The following CSMD1 variants were observed in gnomAD, a reference collection of about 807,000 sequenced individuals.
The protein encoded by CSMD1 is CUB and sushi domain-containing protein 1.
In CSMD1, 213 loss-of-function variants were observed where a neutral mutation model predicts 417.5. That is an observed-to-expected ratio of 0.51 (90% CI 0.46 to 0.57). CSMD1 has a LOEUF of 0.57. Ranked by LOEUF, CSMD1 falls within the 20% of genes least tolerant of loss-of-function variation. CSMD1 has a pLI of 0.00. For synonymous variants in CSMD1, 2,862 were observed against 1,736.8 expected, an observed-to-expected ratio of 1.65 and a Z score of -16.11; for missense variants, 6,923 against 4,529.7, an observed-to-expected ratio of 1.53 and a Z score of -15.17.
At chr8:3,914,392 T>TA (rs1290085842) in intron 5 of CSMD1, among the ~76,000 whole-genome samples, 1 of 151,830 alleles carries the variant, frequency 6.6e-6, no homozygotes, top group Non-Finnish European at 1.5e-5. Context: ...CGGGTACAGA[T>TA]AAAGATGTTT....
In CSMD1 at chr8:3,289,681, T is replaced by G. The variant is rs531177024; in HGVS notation, c.3951-5335A>C. On this transcript the variant is annotated intron_variant, in intron 25 of 69. Coordinates refer to ENST00000635120, the MANE Select transcript of CSMD1 (RefSeq NM_033225.6). ...CACTTTTTGATGGGGTTGTTTGTTTTTTTCTTGAAAATTTGTTGGAGTTCA... is the reference window on the plus strand; with the variant it reads ...CACTTTTTGATGGGGTTGTTTGTTTGTTTCTTGAAAATTTGTTGGAGTTCA... Among the ~76,000 whole-genome samples, 10 of 147,522 alleles carry G rather than the reference T, an allele frequency of 6.8e-5. No individual in the cohort carries two copies. The South Asian group carries it at 2.1e-3, about 31-fold the overall frequency.
chr8:4,538,862 A>G (rs530781375), intron 2 of CSMD1, among the ~76,000 whole-genome samples: 1 of 152,290 alleles, frequency 6.6e-6, no homozygotes, highest in South Asian at 2.1e-4. Context: ...TGATTTCTCA[A>G]ATGTACAGTT....
At chr8:4,552,505 T>C (rs910376203) in intron 2 of CSMD1, among the ~76,000 whole-genome samples, 2 of 152,116 alleles carry the variant, frequency 1.3e-5, no homozygotes, top group Non-Finnish European at 2.9e-5. Context: ...CCCAGATATA[T>C]GCAGAACTCT....
chr8:3,415,616 T>TC lies in CSMD1; in HGVS notation c.1562-6012dup, dbSNP rs199498008. Among the ~76,000 whole-genome samples, 165 of 152,322 alleles carry TC rather than the reference T, an allele frequency of 1.1e-3. 2 individuals carry two copies. The East Asian group carries it at 0.029, about 27-fold the overall frequency. ...TCAAGTGATCTGCCCTCCTCTAGCC[T>TC]CCCAACAGGCTGCGATTACAGGCGT... On this transcript the variant is annotated intron_variant, in intron 12 of 69. Coordinates refer to ENST00000635120, the MANE Select transcript of CSMD1 (RefSeq NM_033225.6).
At chr8:4,536,169 G>T (rs1797094172) in intron 2 of CSMD1, among the ~76,000 whole-genome samples, 1 of 152,098 alleles carries the variant, frequency 6.6e-6, no homozygotes, top group Non-Finnish European at 1.5e-5. Context: ...TAAGTAAGGA[G>T]ATTTGTTTTA....
chr8:4,616,158 G>A (rs548735630), intron 2 of CSMD1, among the ~76,000 whole-genome samples: 10 of 152,216 alleles, frequency 6.6e-5, no homozygotes, highest in African/African-American at 2.2e-4. Context: ...TAAATGAACA[G>A]ATCCCATAGC....
intron 2 of CSMD1, among the ~76,000 whole-genome samples, chr8:4,622,229 G>A (rs986212106): frequency 6.6e-6 from 1 of 151,600 alleles, no homozygotes; most frequent in Non-Finnish European, 1.5e-5. Context: ...GGAGGCTCAG[G>A]CAGAGTACTC....
intron 12 of CSMD1, among the ~76,000 whole-genome samples, chr8:3,432,809 T>C (rs1472508835): frequency 6.6e-6 from 1 of 152,204 alleles, no homozygotes; most frequent in African/African-American, 2.4e-5. Flanking sequence ...CCACTACACA[T>C]GGCCAACATG....
intron 2 of CSMD1, among the ~76,000 whole-genome samples, chr8:4,478,051 C>T (rs926524409): frequency 2.0e-5 from 3 of 152,118 alleles, no homozygotes; most frequent in Admixed American, 6.5e-5. Context: ...CTCTGTAGCA[C>T]TCCCCGAGTT....
At chr8:4,913,551 G>C (rs1805845532) in intron 1 of CSMD1, among the ~76,000 whole-genome samples, 1 of 152,118 alleles carries the variant, frequency 6.6e-6, no homozygotes, top group Non-Finnish European at 1.5e-5. Flanking sequence ...CTCTACAGGG[G>C]AACGCCACCA....
chr8:3,502,541 G>C (rs924814723), intron 10 of CSMD1, among the ~76,000 whole-genome samples: 1 of 152,122 alleles, frequency 6.6e-6, no homozygotes, highest in Non-Finnish European at 1.5e-5. Flanking sequence ...AAAAGGAAAT[G>C]AGCTGTCAAG....
chr8:4,165,073 G>C (rs898735437), intron 3 of CSMD1, among the ~76,000 whole-genome samples: 3 of 152,088 alleles, frequency 2.0e-5, no homozygotes, highest in Non-Finnish European at 4.4e-5. Context: ...TGAAGTTTAG[G>C]TGGGTACAGA....
chr8:3,703,707 C>T (rs181555623), intron 7 of CSMD1, among the ~76,000 whole-genome samples: 4 of 152,284 alleles, frequency 2.6e-5, no homozygotes, highest in Admixed American at 1.3e-4. Flanking sequence ...AACACAGGCA[C>T]TTTCATCTTT....
At chr8:4,515,083 C>G (rs1440647126) in intron 2 of CSMD1, among the ~76,000 whole-genome samples, 1 of 152,166 alleles carries the variant, frequency 6.6e-6, no homozygotes, top group African/African-American at 2.4e-5. Context: ...ACTTTATAAT[C>G]CATTCTTTGT....
At position 3,091,494 on chromosome 8, in the gene CSMD1, A is replaced by G. The variant is rs763024194; in HGVS notation, c.7285+22T>C. On this transcript the variant is annotated intron_variant, in intron 48 of 69. Coordinates refer to ENST00000635120, the MANE Select transcript of CSMD1 (RefSeq NM_033225.6). ...CCTGTTTTAAAATACTTTCATATAA[A>G]ATCTAAACCTCATTTACTTACCTGC... 37 of 1,553,312 alleles carry G rather than the reference A, an allele frequency of 2.4e-5. No individual in the cohort carries two copies. The Admixed American group carries it at 4.6e-4, about 19-fold the overall frequency.
At chr8:4,992,445 G>C (rs376760655) in intron 1 of CSMD1, among the ~76,000 whole-genome samples, 66 of 152,348 alleles carry the variant, frequency 4.3e-4, no homozygotes, top group African/African-American at 1.6e-3. Flanking sequence ...GCCTGGAAAG[G>C]AGGAAGCCCC....
At chr8:3,990,797 G>C (rs573440019) in intron 5 of CSMD1, among the ~76,000 whole-genome samples, 5 of 152,100 alleles carry the variant, frequency 3.3e-5, no homozygotes, top group Admixed American at 3.3e-4. Flanking sequence ...GGAGAGGGGA[G>C]GGCAGGAAAT....
At position 3,155,359 on chromosome 8, in the gene CSMD1, A is replaced by ATTTTTTTTTTTTTTTTTTT. The variant is rs556304192; in HGVS notation, c.5914+2519_5914+2537dup. On this transcript the variant is annotated intron_variant, in intron 39 of 69. Coordinates refer to ENST00000635120, the MANE Select transcript of CSMD1 (RefSeq NM_033225.6). ...TTTTTCCTTCCAAATCAAGGCTGGGATTTTTTTTTTTTTTTTTTTTTTTTT... is the reference window on the plus strand; with the variant it reads ...TTTTTCCTTCCAAATCAAGGCTGGGATTTTTTTTTTTTTTTTTTTTTTTTTTTTTTTTTTTTTTTTTTTT... Among the ~76,000 whole-genome samples the ATTTTTTTTTTTTTTTTTTT allele has an allele frequency of 9.4e-3, 407 of 43,314 alleles. 145 individuals are homozygous for ATTTTTTTTTTTTTTTTTTT. The highest frequency in any genetic ancestry group is 0.014 in the East Asian group (21 of 1,508). The allele number at this position is 43,314 out of a possible 152,430, so 28.4% of individuals were successfully genotyped here.
chr8:4,782,313 T>A (rs993477436), intron 1 of CSMD1, among the ~76,000 whole-genome samples: 5 of 152,212 alleles, frequency 3.3e-5, no homozygotes, highest in African/African-American at 1.2e-4. Flanking sequence ...CTAGTTACCT[T>A]GATTTGATCA....
Sources: allele counts gnomAD v4.1 joint callset (sites outside exome capture counted in the v4.1 genomes callset), GRCh38; gene constraint gnomAD v4.1.1; transcripts MANE v1.5; gene names NCBI Gene and HGNC (gene_info 2026-07-23, HGNC 2026-07-21).